The following FBXL4 variants were observed in gnomAD, a reference collection of about 807,000 sequenced individuals.
FBXL4 encodes F-box/LRR-repeat protein 4.
Under a neutral mutation model 58.9 loss-of-function variants are expected in FBXL4, and 40 were observed. The ratio of observed to expected loss-of-function variants is 0.68; its 90% CI spans 0.53 to 0.88. The LOEUF (loss-of-function observed/expected upper bound fraction) is 0.88, where lower values mean the gene tolerates loss of function less well. FBXL4 is among the 40% of genes least tolerant of loss of function. The pLI is 0.00. For synonymous variants in FBXL4, 263 were observed against 265.5 expected, an observed-to-expected ratio of 0.99 and a Z score of 0.09; for missense variants, 676 against 734.4, an observed-to-expected ratio of 0.92 and a Z score of 0.92.
In FBXL4 at chr6:98,942,422, T is replaced by C. The variant is rs112115511; in HGVS notation, c.-309+5384A>G. Among the ~76,000 whole-genome samples, 252 of 152,216 alleles carry C rather than the reference T, an allele frequency of 1.7e-3. 2 individuals are homozygous for C. Among genetic ancestry groups the C allele is most frequent in the African/African-American group, 5.6e-3 (231 of 41,506 alleles). On this transcript the variant is annotated intron_variant, in intron 1 of 9. Transcript: ENST00000369244. Reference sequence around the variant, plus strand: ...AATCCCCAGTGCTGGAGGTGGGGCCTGGAAGGTGATTGGATCATGGGGGTG... The same window carrying C: ...AATCCCCAGTGCTGGAGGTGGGGCCCGGAAGGTGATTGGATCATGGGGGTG...
intron 7 of FBXL4, among the ~76,000 whole-genome samples, chr6:98,889,740 T>C (rs939139794): frequency 2.6e-5 from 4 of 151,574 alleles, no homozygotes; most frequent in African/African-American, 9.7e-5. Context: ...AGTGAAATGA[T>C]GGATAACAGA....
At position 98,874,120 on chromosome 6, in the gene FBXL4, C is replaced by A; in HGVS notation, c.*158G>T. The A allele has an allele frequency of 3.8e-6, 2 of 523,560 alleles. No individual in the cohort carries two copies. Among genetic ancestry groups the A allele is most frequent in the East Asian group, 6.7e-5 (2 of 29,922 alleles). 32.4% of individuals were successfully genotyped at this position (523,560 alleles called of 1,614,324 possible). A position where few individuals can be genotyped will look rare whatever the true frequency, so the allele number is the denominator to read the frequency against. On this transcript the variant is annotated 3_prime_UTR_variant, in exon 10 of 10. Coordinates refer to ENST00000369244, the MANE Select transcript of FBXL4 (RefSeq NM_001278716.2). ...AGTATTTTATGAAAACATTTGTGCA[C>A]ATTTTTACTTGATTTAATGGACAAT... is the stretch of plus-strand genomic sequence containing the variant.
At chr6:98,893,628 T>G (rs1582386204) in intron 7 of FBXL4, among the ~76,000 whole-genome samples, 1 of 152,220 alleles carries the variant, frequency 6.6e-6, no homozygotes, top group Admixed American at 6.5e-5. Context: ...ACACAAGTAT[T>G]TGAAAGTACA....
chr6:98,900,658 A>T (rs1309046073), intron 6 of FBXL4, among the ~76,000 whole-genome samples: 1 of 152,220 alleles, frequency 6.6e-6, no homozygotes. Context: ...TTAAAGGTCA[A>T]AGCACCCCAT....
chr6:98,920,205 T>C (rs1024769618), intron 4 of FBXL4, among the ~76,000 whole-genome samples: 2 of 152,166 alleles, frequency 1.3e-5, no homozygotes, highest in Non-Finnish European at 2.9e-5. Context: ...AATGCATTAA[T>C]CTACAAAAAG....
chr6:98,880,221 T>C (rs926059739), intron 8 of FBXL4, among the ~76,000 whole-genome samples: 2 of 152,166 alleles, frequency 1.3e-5, no homozygotes, highest in African/African-American at 4.8e-5. Context: ...TACTGAACTA[T>C]CGGCATTTAG....
chr6:98,932,200 A>C (rs1773039136), intron 2 of FBXL4, among the ~76,000 whole-genome samples: 1 of 152,202 alleles, frequency 6.6e-6, no homozygotes, highest in Admixed American at 6.5e-5. Context: ...ATTTAGAATA[A>C]GTCAGAATTA....
chr6:98,941,367 A>G (rs955116327), intron 1 of FBXL4, among the ~76,000 whole-genome samples: 1 of 151,484 alleles, frequency 6.6e-6, no homozygotes, highest in African/African-American at 2.4e-5. Flanking sequence ...AAAGGCAAAT[A>G]GGAAAGGCAG....
chr6:98,897,247 G>T, intron 7 of FBXL4: 9 of 985,256 alleles, frequency 9.1e-6, no homozygotes, highest in Non-Finnish European at 1.1e-5. Flanking sequence ...GTAAAAAGCA[G>T]GTATGGCATA....
At chr6:98,911,728 G>A (rs927849389) in intron 5 of FBXL4, among the ~76,000 whole-genome samples, 6 of 152,070 alleles carry the variant, frequency 3.9e-5, no homozygotes, top group Admixed American at 6.6e-5. Flanking sequence ...AAAGATGGGG[G>A]AAAAACAGAG....
At chr6:98,903,642 G>C (rs1771695996) in intron 6 of FBXL4, among the ~76,000 whole-genome samples, 1 of 152,070 alleles carries the variant, frequency 6.6e-6, no homozygotes, top group South Asian at 2.1e-4. Context: ...GCATGGCTAA[G>C]TTTTCTTCTT....
intron 1 of FBXL4, among the ~76,000 whole-genome samples, chr6:98,935,803 A>AAAAAAAAAAAAAAC: frequency 6.6e-6 from 1 of 151,488 alleles, no homozygotes; most frequent in African/African-American, 2.4e-5. Context: ...CTCAAAAAAA[A>AAAAAAAAAAAAAAC]AAAAAGAATA....
chr6:98,899,538 A>C (rs1771528907), intron 6 of FBXL4, 57 bp from the exon 7 acceptor site: 1 of 1,555,206 alleles, frequency 6.4e-7, no homozygotes, highest in African/African-American at 1.4e-5. Context: ...TTTTGCAAGA[A>C]CTTTGGAATT....
intron 1 of FBXL4, among the ~76,000 whole-genome samples, chr6:98,936,667 G>C (rs1773230449): frequency 6.6e-6 from 1 of 151,984 alleles, no homozygotes; most frequent in South Asian, 2.1e-4. Context: ...TAAGAATACA[G>C]TATACAATAC....
intron 9 of FBXL4, 149 bp from the exon 10 acceptor site, chr6:98,874,590 CT>C (rs1470445651): frequency 2.1e-6 from 2 of 958,096 alleles, no homozygotes; most frequent in African/African-American, 3.4e-5. Flanking sequence ...TCAAACATGA[CT>C]TCATATTGAA....
chr6:98,947,058 C>T (rs1773646782), intron 1 of FBXL4, among the ~76,000 whole-genome samples: 3 of 152,210 alleles, frequency 2.0e-5, no homozygotes, highest in Admixed American at 2.0e-4. Flanking sequence ...ATGTGCCCTC[C>T]GGAGCACAAA....
At chr6:98,908,255 T>C (rs1771887941) in intron 5 of FBXL4, among the ~76,000 whole-genome samples, 1 of 152,238 alleles carries the variant, frequency 6.6e-6, no homozygotes, top group Non-Finnish European at 1.5e-5. Flanking sequence ...TAAATGTGTA[T>C]GAAATTCTGT....
At chr6:98,894,666 T>C (rs146715961) in intron 7 of FBXL4, among the ~76,000 whole-genome samples, 17 of 152,326 alleles carry the variant, frequency 1.1e-4, no homozygotes, top group African/African-American at 4.1e-4. Flanking sequence ...GATGTAATAG[T>C]ATGTTGTTCT....
At chr6:98,880,751 C>G (rs1770824300) in intron 7 of FBXL4, 127 bp from the exon 8 acceptor site, 8 of 744,420 alleles carry the variant, frequency 1.1e-5, no homozygotes, top group Non-Finnish European at 1.6e-5. Context: ...AGCTAGGTTA[C>G]AGAGTCCACA....
Sources: gnomAD v4.1 joint callset for allele counts (sites outside exome capture counted in the v4.1 genomes callset) on GRCh38, gnomAD v4.1.1 for gene constraint, MANE v1.5 for transcripts, NCBI Gene and HGNC (gene_info 2026-07-23, HGNC 2026-07-21) for gene names.